NPR1: variants seen among roughly 807,000 people sequenced by gnomAD.
NPR1 encodes the protein atrial natriuretic peptide receptor 1.
Under a neutral mutation model 116.9 loss-of-function variants are expected in NPR1, and 57 were observed. That is an observed-to-expected ratio of 0.49 (90% CI 0.39 to 0.61). The LOEUF is 0.61. NPR1 is among the 20% of genes least tolerant of loss of function. The pLI is 0.00. For synonymous variants in NPR1, 555 were observed against 601.6 expected (o/e 0.92, Z 1.13); for missense variants, 1,096 against 1,409.8 (o/e 0.78, Z 3.56).
chr1:153,693,462 G>A lies in NPR1; in HGVS notation c.*48G>A, dbSNP rs145905789. The A allele has an allele frequency of 2.5e-3, 3,795 of 1,516,686 alleles. 9 individuals are homozygous for A. The highest frequency in any genetic ancestry group is 2.9e-3 in the Non-Finnish European group (3,256 of 1,119,262). The allele number at this position is 1,516,686 out of a possible 1,614,324, so 94.0% of individuals were successfully genotyped here. On this transcript the variant is annotated 3_prime_UTR_variant, in exon 22 of 22. Transcript: ENST00000368680. ...CACACCTCCCTACCCTGTGCCAGAA[G>A]CAACAGAGGTGCCAGGCCTCAGCCT...
At position 153,683,520 on chromosome 1, in the gene NPR1, C is replaced by T. The variant is rs1669842083; in HGVS notation, c.1399+9C>T. ...CCCAGCATGCAACCAAGGTGACTGC[C>T]CCTTGCCTTCCAGGCCTCCATCCCA... is the stretch of plus-strand genomic sequence containing the variant. On this transcript the variant is annotated intron_variant, in intron 6 of 21. Transcript: ENST00000368680. 3 of 1,613,864 alleles carry T rather than the reference C, an allele frequency of 1.9e-6. No homozygotes were observed. Among genetic ancestry groups the T allele is most frequent in the South Asian group, 1.1e-5 (1 of 91,038 alleles).
At position 153,688,061 on chromosome 1, in the gene NPR1, G is replaced by A. The variant is rs572630344; in HGVS notation, c.2257G>A (p.Glu753Lys). The A allele has an allele frequency of 2.3e-4, 373 of 1,606,562 alleles. No homozygotes were observed. Among genetic ancestry groups the A allele is most frequent in the Non-Finnish European group, 3.0e-4 (357 of 1,176,602 alleles). The part of the protein sequence containing the change: ...GLDLSPKEII[E>K]RVTRGEQPPF... The stretch of plus-strand genomic sequence containing the variant: ...CTACCCCCCCAATACAGAGATCATC[G>A]AGCGGGTGACTCGGGGTGAGCAGCC... Residue 753 changes from glutamate to lysine, a missense_variant, in exon 15 of 22, where the codon GAG becomes AAG. Transcript: ENST00000368680.
At chr1:153,686,446 G>A (rs1482210240) in intron 10 of NPR1, among the ~76,000 whole-genome samples, 200 bp from the exon 11 acceptor site, 1 of 152,078 alleles carries the variant, frequency 6.6e-6, no homozygotes, top group Non-Finnish European at 1.5e-5. Flanking sequence ...GGGAGAGAGG[G>A]CTTAGGATGC....
At chr1:153,693,250 A>G (rs1284705915) in intron 21 of NPR1, 53 bp downstream of exon 21, 2 of 1,599,922 alleles carry the variant, frequency 1.3e-6, no homozygotes, top group Non-Finnish European at 1.7e-6. Flanking sequence ...AGAGGGAGTT[A>G]CCCTTCTCAA....
At chr1:153,684,606 G>T (rs1362224059) in intron 7 of NPR1, among the ~76,000 whole-genome samples, 1 of 151,904 alleles carries the variant, frequency 6.6e-6, no homozygotes, top group Admixed American at 6.6e-5. Context: ...TGGCCAGGAT[G>T]GTCTCGATCT....
intron 20 of NPR1, among the ~76,000 whole-genome samples, chr1:153,691,222 A>G (rs2101741106): frequency 6.6e-6 from 1 of 152,332 alleles, no homozygotes. Flanking sequence ...AATGATGTCT[A>G]TCTCAGGATT....
At chr1:153,683,581 A>G (rs1557961713) in intron 6 of NPR1, 70 bp downstream of exon 6, 1 of 1,596,532 alleles carries the variant, frequency 6.3e-7, no homozygotes, top group Non-Finnish European at 8.6e-7. Flanking sequence ...ACAGTCGAGT[A>G]GGTGCTCCTG....
At position 153,678,886 on chromosome 1, in the gene NPR1, C is replaced by A. The variant is rs1043679963; in HGVS notation, c.-223C>A. 1 of 530,380 alleles carries A rather than the reference C, an allele frequency of 1.9e-6. No individual in the cohort carries two copies. Among genetic ancestry groups the A allele is most frequent in the Non-Finnish European group, 3.1e-6 (1 of 318,748 alleles). 32.9% of individuals were successfully genotyped at this position (530,380 alleles called of 1,614,324 possible). ...AGCCCGACGTTCTCCTGGCACCCAC[C>A]TGCTCCGCGGCGCCCTGCGCGCCCC... On this transcript the variant is annotated 5_prime_UTR_variant, in exon 1 of 22. The change creates a new upstream start codon in the 5' untranslated region. Transcript: ENST00000368680. This position sits in a 1 kb window ranked among gnomAD's most constrained non-coding sequence, Gnocchi z 5.8.
At chr1:153,682,431 G>T (rs1669806989) in intron 4 of NPR1, 67 bp from the exon 5 acceptor site, 1 of 1,125,194 alleles carries the variant, frequency 8.9e-7, no homozygotes, top group African/African-American at 1.5e-5. Context: ...AGAGGATGAA[G>T]AGATGAAGTG....
chr1:153,685,998 C>T, intron 9 of NPR1, 118 bp downstream of exon 9: 1 of 1,378,890 alleles, frequency 7.3e-7, no homozygotes, highest in Non-Finnish European at 1.0e-6. Flanking sequence ...AGATGGGGGC[C>T]CTGGGGGTGG....
chr1:153,688,630 C>CCCT, intron 15 of NPR1: 1 of 447,726 alleles, frequency 2.2e-6, no homozygotes, highest in Non-Finnish European at 4.1e-6. Flanking sequence ...TCCAGACACA[C>CCCT]CCTTCTGTGG....
At position 153,679,779 on chromosome 1, in the gene NPR1, A is replaced by C; in HGVS notation, c.671A>C (p.Asp224Ala). ...GACCACCTGGAGTTCGCCGAGGACGACCTCAGCCACTACACCAGGCTGCTG... is the reference window on the plus strand; with the variant it reads ...GACCACCTGGAGTTCGCCGAGGACGCCCTCAGCCACTACACCAGGCTGCTG... ...TVDHLEFAED[D>A]LSHYTRLLRT... is the part of the protein sequence containing the mutation. The change falls in exon 1 of 22, where the codon GAC becomes GCC. Residue 224 changes from aspartate (D) to alanine (A), a missense_variant. Asp to Ala is a moderately radical substitution (Grantham distance 126). Transcript: ENST00000368680. This position sits in a 1 kb window ranked among gnomAD's most constrained non-coding sequence, Gnocchi z 4.2. 6.4e-7 allele frequency: 1 copy of C among 1,558,722 alleles called. No homozygotes were observed. Among genetic ancestry groups the C allele is most frequent in the Non-Finnish European group, 8.6e-7 (1 of 1,156,630 alleles).
chr1:153,682,408 G>A (rs1156973523), intron 4 of NPR1, 90 bp from the exon 5 acceptor site: 1 of 942,962 alleles, frequency 1.1e-6, no homozygotes, highest in Non-Finnish European at 1.7e-6. Flanking sequence ...TGGAAGGCAA[G>A]GCAAAAAAGA....
intron 5 of NPR1, 59 bp downstream of exon 5, chr1:153,682,648 T>C (rs970116366): frequency 5.5e-6 from 7 of 1,267,692 alleles, no homozygotes; most frequent in Non-Finnish European, 6.9e-6. Flanking sequence ...CCCTCCTACT[T>C]CCCCCCCACA....
intron 15 of NPR1, 113 bp from the exon 16 acceptor site, chr1:153,688,830 TCAACCCTGAG>T: frequency 2.4e-6 from 3 of 1,233,190 alleles, no homozygotes; most frequent in Non-Finnish European, 3.5e-6. Context: ...TGCTATGCCC[TCAACCCTGAG>T]CGTCTCTAGA....
rs758216180 is a variant in NPR1 at position 153,689,283 on chromosome 1, C to T, written c.2660C>T (p.Ala887Val). 3 of 1,614,112 alleles carry T rather than the reference C, an allele frequency of 1.9e-6. No homozygotes were observed. Among genetic ancestry groups the T allele is most frequent in the Non-Finnish European group, 8.5e-7 (1 of 1,180,054 alleles). The change falls in exon 17 of 22, where the codon GCG (alanine) becomes GTG (valine). Residue 887 changes from alanine to valine, a missense_variant. Transcript: ENST00000368680. The surrounding 1 kb of genome is among the most constrained non-coding windows in gnomAD (Gnocchi z 5.1). ...TTCAGTGACATTGTGGGTTTCACAG[C>T]GCTGTCGGCGGAGAGCACACCCATG... ...IYFSDIVGFT[A>V]LSAESTPMQV...
At chr1:153,686,986 G>T in intron 11 of NPR1, 30 bp from the exon 12 acceptor site, 1 of 1,611,284 alleles carries the variant, frequency 6.2e-7, no homozygotes, top group Non-Finnish European at 8.5e-7. Flanking sequence ...GATCTGCAGG[G>T]GATTGGTCTG....
intron 4 of NPR1, among the ~76,000 whole-genome samples, chr1:153,682,190 G>A (rs1246040970): frequency 2.6e-5 from 4 of 151,964 alleles, no homozygotes; most frequent in African/African-American, 7.3e-5. Context: ...GAGTAGCTGG[G>A]ATTACAGGTG....
At chr1:153,683,573 A>C in intron 6 of NPR1, 62 bp downstream of exon 6, 1 of 1,603,332 alleles carries the variant, frequency 6.2e-7, no homozygotes, top group Non-Finnish European at 8.5e-7. Flanking sequence ...CCCTAAGCAC[A>C]GTCGAGTAGG....
Sources: gnomAD v4.1 joint callset for allele counts (sites outside exome capture counted in the v4.1 genomes callset) on GRCh38, gnomAD v4.1.1 for gene constraint, Gnocchi (gnomAD v3.1) non-coding constraint, MANE v1.5 for transcripts, NCBI Gene and HGNC (gene_info 2026-07-23, HGNC 2026-07-21) for gene names.